BLTP1: variants seen among roughly 807,000 people sequenced by gnomAD.
BLTP1 encodes the protein bridge-like lipid transfer protein family member 1, also known as fragile site-associated protein.
the BLTP1 span, among the ~76,000 whole-genome samples, chr4:122,317,595 C>T: frequency 6.6e-6 from 1 of 150,858 alleles, no homozygotes; most frequent in Non-Finnish European, 1.5e-5. Context: ...AGGTAATGGT[C>T]ATGCCTCATC....
the BLTP1 span, chr4:122,361,961 C>A: frequency 6.5e-7 from 1 of 1,540,624 alleles, no homozygotes; most frequent in East Asian, 2.3e-5. Flanking sequence ...TAGTGATGTT[C>A]TTTTCCTACC....
chr4:122,272,386 T>C, the BLTP1 span: 1 of 1,611,834 alleles, frequency 6.2e-7, no homozygotes, highest in Non-Finnish European at 8.5e-7. Context: ...GCAGTTTTAC[T>C]CTTAAGGAAA....
the BLTP1 span, chr4:122,316,289 A>C: frequency 2.4e-6 from 1 of 413,898 alleles, no homozygotes; most frequent in South Asian, 1.9e-5. Context: ...TATACCATGA[A>C]ATAGTTTTGT....
chr4:122,174,027 G>A, the BLTP1 span, among the ~76,000 whole-genome samples: 1 of 152,212 alleles, frequency 6.6e-6, no homozygotes, highest in African/African-American at 2.4e-5. Context: ...CTACTTAAAA[G>A]TAGGAAATTT....
At chr4:122,324,484 A>G in the BLTP1 span, 3 of 1,611,210 alleles carry the variant, frequency 1.9e-6, no homozygotes, top group Non-Finnish European at 1.7e-6. Flanking sequence ...CAGCCGATCA[A>G]AAAGCATTTC....
At chr4:122,272,516 T>C in the BLTP1 span, 3 of 935,456 alleles carry the variant, frequency 3.2e-6, no homozygotes, top group Middle Eastern at 5.6e-4. Flanking sequence ...AATTTTTTTT[T>C]TCCCAGAAAA....
the BLTP1 span, chr4:122,350,511 C>G: frequency 1.0e-5 from 4 of 393,356 alleles, no homozygotes; most frequent in African/African-American, 8.7e-5. Flanking sequence ...TAGTGGTGGA[C>G]AGAATCACTA....
At chr4:122,257,573 G>C in the BLTP1 span, 4 of 1,338,098 alleles carry the variant, frequency 3.0e-6, no homozygotes, top group Non-Finnish European at 4.2e-6. Flanking sequence ...CACAATTACT[G>C]TATGTTTTTT....
the BLTP1 span, chr4:122,256,063 A>G: frequency 2.0e-6 from 2 of 984,026 alleles, no homozygotes; most frequent in Non-Finnish European, 2.4e-6. Flanking sequence ...GCCTCTGGAA[A>G]AGCAGATAAC....
chr4:122,232,051 G>T, the BLTP1 span: 1 of 984,992 alleles, frequency 1.0e-6, no homozygotes, highest in Non-Finnish European at 1.2e-6. Context: ...AGGTGGTAGA[G>T]CAAGGTGCGA....
chr4:122,154,050 A>T, the BLTP1 span: 18 of 984,904 alleles, frequency 1.8e-5, no homozygotes, highest in Non-Finnish European at 2.2e-5. Flanking sequence ...ACACTGCAGA[A>T]AGGCTATCTG....
chr4:122,228,583 C>T, the BLTP1 span, among the ~76,000 whole-genome samples: 1 of 152,158 alleles, frequency 6.6e-6, no homozygotes, highest in South Asian at 2.1e-4. Flanking sequence ...TCAGGGCTGC[C>T]ATCTCCTCAA....
At chr4:122,201,263 T>C in the BLTP1 span, 3 of 714,348 alleles carry the variant, frequency 4.2e-6, no homozygotes, top group South Asian at 7.7e-5. Context: ...GGGCTGAAAA[T>C]GTTAAAGAGA....
At chr4:122,321,979 A>ATTTTTTTTTTTTTTTTTT in the BLTP1 span, among the ~76,000 whole-genome samples, 15 of 27,018 alleles carry the variant, frequency 5.6e-4, no homozygotes, top group East Asian at 3.8e-3. Context: ...ACTACATGTA[A>ATTTTTTTTTTTTTTTTTT]TTTTTTTTTT....
At chr4:122,317,636 CTT>C in the BLTP1 span, among the ~76,000 whole-genome samples, 6 of 138,978 alleles carry the variant, frequency 4.3e-5, no homozygotes, top group Admixed American at 7.2e-5. Context: ...TGTACTGGTG[CTT>C]TTTTTTTTTT....
the BLTP1 span, chr4:122,339,093 T>C: frequency 8.0e-7 from 1 of 1,244,734 alleles, no homozygotes; most frequent in Admixed American, 2.6e-5. Flanking sequence ...ACTTTATTTC[T>C]TTCTGTTTAA....
At chr4:122,270,319 A>G in the BLTP1 span, 1 of 981,582 alleles carries the variant, frequency 1.0e-6, no homozygotes, top group Non-Finnish European at 1.2e-6. Context: ...GCACATTCAT[A>G]GTGTGCATGG....
At chr4:122,360,044 G>C in the BLTP1 span, 2 of 985,318 alleles carry the variant, frequency 2.0e-6, no homozygotes, top group Non-Finnish European at 2.4e-6. Flanking sequence ...TTCAGGGTTT[G>C]AGGTAGCTAC....
At chr4:122,362,106 T>C in the BLTP1 span, 4 of 1,613,588 alleles carry the variant, frequency 2.5e-6, no homozygotes, top group Admixed American at 5.0e-5. Context: ...GCTTTCATCA[T>C]GCTAGGACTA....
Sources: allele counts gnomAD v4.1 joint callset (sites outside exome capture counted in the v4.1 genomes callset), GRCh38; gene constraint gnomAD v4.1.1; transcripts MANE v1.5; gene names NCBI Gene and HGNC (gene_info 2026-07-23, HGNC 2026-07-21).